CYFIP1: variants seen among roughly 807,000 people sequenced by gnomAD.
CYFIP1 encodes the protein cytoplasmic FMR1 interacting protein 1, also known as cytoplasmic FMR1-interacting protein 1.
A neutral mutation model predicts 163.5 loss-of-function variants in CYFIP1; 58 were observed. That is an observed-to-expected ratio of 0.35 (90% CI 0.29 to 0.44). The LOEUF is 0.44. Ranked by LOEUF, CYFIP1 falls within the 20% of genes least tolerant of loss-of-function variation. CYFIP1 has a pLI of 1.00. For synonymous variants in CYFIP1, 663 were observed against 660.7 expected, an observed-to-expected ratio of 1.00 and a Z score of -0.05; for missense variants, 1,338 against 1,653.8, an observed-to-expected ratio of 0.81 and a Z score of 3.31.
rs574169950 is a variant in CYFIP1, at chr15:22,883,968, C to T, written c.2677-957G>A. On this transcript the variant is annotated intron_variant, in intron 23 of 30. Coordinates refer to ENST00000617928, the MANE Select transcript of CYFIP1 (RefSeq NM_014608.6). The stretch of plus-strand genomic sequence containing the variant: ...AGGAAAGATAAGAGAGAACAAAAGG[C>T]GAAGCCCCTTATAAAACCATCAGAT... Among the ~76,000 whole-genome samples the T allele has an allele frequency of 5.3e-5, 8 of 152,190 alleles. No individual in the cohort carries two copies. In the East Asian group the frequency reaches 7.7e-4, roughly 15 times the overall value.
intron 30 of CYFIP1, among the ~76,000 whole-genome samples, chr15:22,870,924 A>C (rs146660949): frequency 6.6e-6 from 1 of 152,310 alleles, no homozygotes; most frequent in East Asian, 1.9e-4. Flanking sequence ...AAGAACATAC[A>C]CGCAAACAAA....
At chr15:22,934,045 C>T in intron 9 of CYFIP1, 152 bp from the exon 10 acceptor site, 2 of 559,696 alleles carry the variant, frequency 3.6e-6, no homozygotes, top group Non-Finnish European at 6.4e-6. Context: ...TAAGTAACTT[C>T]TACATTCGCT....
At chr15:22,964,463 C>CCCCAGCAA (rs1475920707) in intron 1 of CYFIP1, among the ~76,000 whole-genome samples, 1 of 151,896 alleles carries the variant, frequency 6.6e-6, no homozygotes, top group Non-Finnish European at 1.5e-5. Flanking sequence ...CAGCCTCCAG[C>CCCCAGCAA]CCCAGCAAGA....
At chr15:22,955,421 A>G (rs2062411971) in intron 1 of CYFIP1, among the ~76,000 whole-genome samples, 1 of 152,204 alleles carries the variant, frequency 6.6e-6, no homozygotes, top group Middle Eastern at 3.2e-3. Flanking sequence ...TCCAAGTGCG[A>G]GTGAGGTGCT....
Position 22,917,368 on chromosome 15 carries a change from A to T in CYFIP1, c.1674+420T>A, listed in dbSNP as rs1566969640. 2 of 1,136,920 alleles carry T rather than the reference A, an allele frequency of 1.8e-6. No homozygotes were observed. The highest frequency in any genetic ancestry group is 7.9e-5 in the Admixed American group (2 of 25,304). The allele number at this position is 1,136,920 out of a possible 1,614,324, so 70.4% of individuals were successfully genotyped here. On this transcript the variant is annotated intron_variant, in intron 15 of 30. Transcript: ENST00000617928. This position sits in a 1 kb window ranked among gnomAD's most constrained non-coding sequence, Gnocchi z 4.2. The stretch of plus-strand genomic sequence containing the variant: ...AGGCCTGAACACACCAGGAGAGAGG[A>T]CAGTGGGCAGCTTAGGACCATGACA...
chr15:22,957,498 T>A (rs958548875), intron 1 of CYFIP1, among the ~76,000 whole-genome samples: 1 of 152,116 alleles, frequency 6.6e-6, no homozygotes, highest in East Asian at 1.9e-4. Flanking sequence ...TAGCCAGGCA[T>A]GGTGGCGGGC....
At chr15:22,916,829 G>T (rs532499747) in intron 15 of CYFIP1, 199 bp from the exon 16 acceptor site, 1 of 1,556,436 alleles carries the variant, frequency 6.4e-7, no homozygotes, top group African/African-American at 1.4e-5. Context: ...AACTTGTAGC[G>T]GAGCAGTTCG....
chr15:22,887,755 C>T (rs186825174), intron 23 of CYFIP1, among the ~76,000 whole-genome samples: 1 of 152,268 alleles, frequency 6.6e-6, no homozygotes, highest in Non-Finnish European at 1.5e-5. Flanking sequence ...GGCACTACTT[C>T]TGGGGAAGGG....
chr15:22,873,023 G>C, intron 29 of CYFIP1, 51 bp from the exon 30 acceptor site: 3 of 1,596,008 alleles, frequency 1.9e-6, no homozygotes, highest in Non-Finnish European at 2.6e-6. Context: ...ACGTTATGAA[G>C]TCTTTTCTCA....
chr15:22,932,635 AC>A (rs988470866), intron 10 of CYFIP1, among the ~76,000 whole-genome samples: 1 of 152,154 alleles, frequency 6.6e-6, no homozygotes, highest in African/African-American at 2.4e-5. Flanking sequence ...GGCTACGGGC[AC>A]AGTGCTTGGC....
rs150093238 is a variant in CYFIP1 at position 22,870,108 on chromosome 15, A to G, written c.3682T>C (p.Ser1228Pro). Residue 1228 changes from serine (S) to proline (P), a missense_variant, in exon 31 of 31, where the codon TCA becomes CCA. This residue lies in a region of CYFIP1 where 306 missense variants were observed against 322.1 expected (regional missense o/e 0.95). Coordinates refer to ENST00000617928, the MANE Select transcript of CYFIP1 (RefSeq NM_014608.6). The part of the protein sequence containing the change: ...IITILDKYLK[S>P]GDGEGTPVEH... ...ACTGGCGTGCCCTCCCCGTCGCCTG[A>G]CTTCAGGTACTTATCCAGGATGGTG... 8 of 1,613,110 alleles carry G rather than the reference A, an allele frequency of 5.0e-6. No homozygotes were observed. The highest frequency in any genetic ancestry group is 6.8e-6 in the Non-Finnish European group (8 of 1,179,666).
chr15:22,932,631 G>C (rs140361341), intron 10 of CYFIP1, among the ~76,000 whole-genome samples: 1 of 152,120 alleles, frequency 6.6e-6, no homozygotes, highest in Non-Finnish European at 1.5e-5. Context: ...GGTTGGCTAC[G>C]GGCACAGTGC....
At position 22,943,316 on chromosome 15, in the gene CYFIP1, G is replaced by C; in HGVS notation, c.426C>G (p.Arg142=). ...CCTTCCTCCTCTCGGCATGGCACAG[G>C]CGCCTCACTTCCCCGCAGAAACGCT... is the stretch of plus-strand genomic sequence containing the variant. ...AIERFCGEVR[R]LCHAERRKDF... is the part of the protein sequence containing the mutation. The change falls in exon 6 of 31, where the codon CGC becomes CGG. Residue 142 remains arginine (R), a synonymous_variant. Transcript: ENST00000617928. 2 of 1,614,184 alleles carry C rather than the reference G, an allele frequency of 1.2e-6. No homozygotes were observed. The highest frequency in any genetic ancestry group is 1.7e-6 in the Non-Finnish European group (2 of 1,180,042).
intron 20 of CYFIP1, among the ~76,000 whole-genome samples, chr15:22,910,056 G>C (rs887503566): frequency 6.6e-6 from 1 of 152,184 alleles, no homozygotes; most frequent in African/African-American, 2.4e-5. Context: ...TGACCCAATA[G>C]AAACGGTGTG....
At position 22,869,186 on chromosome 15, in the gene CYFIP1, C is replaced by G. The variant is rs2059347261; in HGVS notation, c.*842G>C. 6.6e-6 allele frequency: 1 copy of G among 152,294 alleles called. No individual in the cohort carries two copies. The highest frequency in any genetic ancestry group is 2.1e-4 in the South Asian group (1 of 4,820). The allele number at this position is 152,294 out of a possible 1,614,324, so 9.4% of individuals were successfully genotyped here. On this transcript the variant is annotated 3_prime_UTR_variant, in exon 31 of 31. Transcript: ENST00000617928. ...TCTCCTCCCACATTGCTGGCTTCCT[C>G]CAGGTCATGGGCACAGGTAACAGAG...
intron 12 of CYFIP1, 57 bp downstream of exon 12, chr15:22,927,849 T>C (rs540972164): frequency 1.3e-6 from 2 of 1,518,694 alleles, no homozygotes; most frequent in African/African-American, 2.9e-5. Context: ...AAAGTTAATG[T>C]GAATAAAGTG....
At chr15:22,958,640 G>T (rs11855712) in intron 1 of CYFIP1, among the ~76,000 whole-genome samples, 31,533 of 152,054 alleles carry the variant, frequency 0.21, 3,433 homozygotes, top group African/African-American at 0.26. Context: ...AAGACCAAGT[G>T]GTCTCACAAC....
rs78437594 is a variant in CYFIP1 at position 22,926,172 on chromosome 15, C to G, written c.1234-65G>C. The G allele has an allele frequency of 6.0e-5, 96 of 1,603,492 alleles. No individual in the cohort carries two copies. In the African/African-American group the frequency reaches 1.2e-3, roughly 20 times the overall value. ...GCAAAACGCCTGGCTTCTGGTCTGA[C>G]TCACACGATGGTGGCCAAAGCCAGG... is the stretch of plus-strand genomic sequence containing the variant. On this transcript the variant is annotated intron_variant, in intron 12 of 30. Coordinates refer to ENST00000617928, the MANE Select transcript of CYFIP1 (RefSeq NM_014608.6).
In CYFIP1 at chr15:22,980,340, C is replaced by G. The variant is rs1191999038; in HGVS notation, c.-60G>C. 6.6e-6 allele frequency: 1 copy of G among 151,666 alleles called. No individual in the cohort carries two copies. Among genetic ancestry groups the G allele is most frequent in the African/African-American group, 2.4e-5 (1 of 41,326 alleles). The allele number at this position is 151,666 out of a possible 1,614,324, so 9.4% of individuals were successfully genotyped here. ...GGCGGGCCCTGGGAGTTTCCTTGGC[C>G]GAGTGAGTCACTCGGGCTGGCCGGG... On this transcript the variant is annotated 5_prime_UTR_variant, in exon 1 of 31. Transcript: ENST00000617928.
Sources: gnomAD v4.1 joint callset for allele counts (sites outside exome capture counted in the v4.1 genomes callset) on GRCh38, gnomAD v4.1.1 for gene constraint, gnomAD v4.1.1 regional missense constraint, Gnocchi (gnomAD v3.1) non-coding constraint, MANE v1.5 for transcripts, NCBI Gene and HGNC (gene_info 2026-07-23, HGNC 2026-07-21) for gene names.